The following MAF variants were observed in gnomAD, a reference collection of about 807,000 sequenced individuals.
MAF encodes the protein MAF bZIP transcription factor.
A neutral mutation model predicts 22.0 loss-of-function variants in MAF; 10 were observed. The observed-to-expected ratio is 0.45, with a 90% CI of 0.28 to 0.77. MAF has a LOEUF of 0.77. Ranked by LOEUF, MAF falls within the 30% of genes least tolerant of loss-of-function variation. The probability of loss-of-function intolerance (pLI) is 0.12; values close to 1 mark genes in which losing one functional copy is unlikely to be tolerated. For synonymous variants in MAF, 337 were observed against 255.8 expected (o/e 1.32, Z -3.03); for missense variants, 544 against 548.4 (o/e 0.99, Z 0.08).
the MAF span, among the ~76,000 whole-genome samples, chr16:79,506,233 C>A: frequency 6.6e-6 from 1 of 152,146 alleles, no homozygotes; most frequent in Admixed American, 6.5e-5. Flanking sequence ...CTTTGTATTC[C>A]ATTTCCAGGA....
the MAF span, among the ~76,000 whole-genome samples, chr16:79,520,876 C>G: frequency 1.3e-5 from 2 of 152,278 alleles, no homozygotes; most frequent in East Asian, 3.9e-4. Flanking sequence ...TGGGACCCTG[C>G]TAAGTGCTTC....
At chr16:79,236,047 A>T in the MAF span, among the ~76,000 whole-genome samples, 1 of 152,090 alleles carries the variant, frequency 6.6e-6, no homozygotes, top group Non-Finnish European at 1.5e-5. Context: ...CAGAGGCTGA[A>T]ACCCTGACAC....
the MAF span, among the ~76,000 whole-genome samples, chr16:79,393,564 C>T: frequency 1.3e-5 from 2 of 152,196 alleles, no homozygotes; most frequent in African/African-American, 2.4e-5. Context: ...TGCTGGGCCT[C>T]CTCACTCTTT....
At chr16:79,418,322 C>T in the MAF span, among the ~76,000 whole-genome samples, 1 of 152,086 alleles carries the variant, frequency 6.6e-6, no homozygotes, top group Non-Finnish European at 1.5e-5. Flanking sequence ...TCACGGTCAG[C>T]TGGGAGCAGC....
At chr16:79,246,977 A>C in the MAF span, among the ~76,000 whole-genome samples, 5 of 152,238 alleles carry the variant, frequency 3.3e-5, no homozygotes, top group East Asian at 1.9e-4. Flanking sequence ...AAACAACCAA[A>C]CAAACAAAAA....
At chr16:79,450,004 C>T in the MAF span, among the ~76,000 whole-genome samples, 2 of 152,216 alleles carry the variant, frequency 1.3e-5, no homozygotes, top group African/African-American at 4.8e-5. Context: ...GCCGCTAAAA[C>T]AATTGCTGCT....
the MAF span, among the ~76,000 whole-genome samples, chr16:79,404,659 A>G: frequency 6.6e-6 from 1 of 151,540 alleles, no homozygotes; most frequent in African/African-American, 2.4e-5. Flanking sequence ...TGCAGCCTGA[A>G]TACTACTTAT....
the MAF span, among the ~76,000 whole-genome samples, chr16:79,522,859 T>C: frequency 6.6e-6 from 1 of 152,240 alleles, no homozygotes; most frequent in African/African-American, 2.4e-5. Flanking sequence ...GAAACTTGTT[T>C]CATGAACACC....
chr16:79,303,486 T>A, the MAF span, among the ~76,000 whole-genome samples: 1 of 152,182 alleles, frequency 6.6e-6, no homozygotes, highest in Non-Finnish European at 1.5e-5. Flanking sequence ...CTGCTGAGGC[T>A]AGATTCTCTC....
chr16:79,321,300 A>T, the MAF span, among the ~76,000 whole-genome samples: 1 of 152,330 alleles, frequency 6.6e-6, no homozygotes, highest in East Asian at 1.9e-4. Flanking sequence ...AGGGGAATGG[A>T]ATCCATCACA....
the MAF span, among the ~76,000 whole-genome samples, chr16:79,233,388 A>G: frequency 6.6e-6 from 1 of 152,004 alleles, no homozygotes; most frequent in South Asian, 2.1e-4. Context: ...GTGCAACTGC[A>G]GGTGGTAACA....
At chr16:79,597,761 A>C (rs200906263) in intron 1 of MAF, 2 of 1,019,514 alleles carry the variant, frequency 2.0e-6, no homozygotes, top group Non-Finnish European at 2.4e-6. Context: ...GGAAAAAAAA[A>C]GGAAAAAATA....
chr16:79,216,664 G>A, the MAF span, among the ~76,000 whole-genome samples: 6 of 152,070 alleles, frequency 3.9e-5, no homozygotes, highest in African/African-American at 1.4e-4. Flanking sequence ...AATACATTAG[G>A]TGTATTAAAT....
downstream of MAF, among the ~76,000 whole-genome samples, chr16:79,580,964 G>A (rs2088834843): frequency 6.6e-6 from 1 of 152,032 alleles, no homozygotes; most frequent in African/African-American, 2.4e-5. Flanking sequence ...TCTTAGTTTG[G>A]GTCAAATAGG....
the MAF span, among the ~76,000 whole-genome samples, chr16:79,407,853 G>A: frequency 1.3e-5 from 2 of 152,006 alleles, no homozygotes; most frequent in African/African-American, 4.8e-5. Context: ...TTCCTGTGCT[G>A]GTTGATGCAC....
the MAF span, among the ~76,000 whole-genome samples, chr16:79,230,951 C>T: frequency 2.5e-4 from 38 of 152,180 alleles, 1 homozygote; most frequent in East Asian, 1.7e-3. Flanking sequence ...CCAAAATATA[C>T]GGATATCACT....
the MAF span, among the ~76,000 whole-genome samples, chr16:79,538,790 C>T: frequency 2.9e-3 from 433 of 149,420 alleles, 2 homozygotes; most frequent in African/African-American, 0.01. Flanking sequence ...CACACCACTA[C>T]GCTACAGCCT....
At chr16:79,368,608 C>A in the MAF span, among the ~76,000 whole-genome samples, 1 of 152,122 alleles carries the variant, frequency 6.6e-6, no homozygotes, top group Non-Finnish European at 1.5e-5. Context: ...TTCCAAACAG[C>A]CTCCAAGTCC....
chr16:79,356,621 A>G, the MAF span, among the ~76,000 whole-genome samples: 1 of 151,896 alleles, frequency 6.6e-6, no homozygotes, highest in Admixed American at 6.6e-5. Context: ...TTCCTTCACC[A>G]TTCACTCCAC....
Sources: allele counts gnomAD v4.1 joint callset (sites outside exome capture counted in the v4.1 genomes callset), GRCh38; gene constraint gnomAD v4.1.1; transcripts MANE v1.5; gene names NCBI Gene and HGNC (gene_info 2026-07-23, HGNC 2026-07-21).